Variants in FFAR4 observed in about 807,000 individuals in gnomAD.
The protein encoded by FFAR4 is G-protein coupled receptor 120.
In FFAR4, 19 loss-of-function variants were observed where a neutral mutation model predicts 27.0. The ratio of observed to expected loss-of-function variants is 0.70; its 90% CI spans 0.49 to 1.03. The LOEUF (loss-of-function observed/expected upper bound fraction) is 1.03. Among genes scored for constraint, FFAR4 ranks in the 50% least tolerant of loss-of-function variants. The pLI is 0.00. For missense variants in FFAR4, 476 were observed against 479.0 expected, an observed-to-expected ratio of 0.99 and a Z score of 0.06; for synonymous variants, 254 against 215.6, an observed-to-expected ratio of 1.18 and a Z score of -1.56.
At chr10:93,583,030 G>A (rs959534322) in intron 2 of FFAR4, among the ~76,000 whole-genome samples, 2 of 152,108 alleles carry the variant, frequency 1.3e-5, no homozygotes, top group South Asian at 2.1e-4. Flanking sequence ...CCCTCCACAC[G>A]TGGGGATTAC....
At chr10:93,572,419 G>A (rs1564782073) in intron 1 of FFAR4, among the ~76,000 whole-genome samples, 2 of 152,208 alleles carry the variant, frequency 1.3e-5, no homozygotes. Context: ...CACCACACAT[G>A]TGTAGAGCCT....
intron 2 of FFAR4, among the ~76,000 whole-genome samples, chr10:93,584,231 G>T (rs573378886): frequency 1.1e-4 from 16 of 152,312 alleles, no homozygotes; most frequent in Admixed American, 3.3e-4. Context: ...GCCCGAGGTG[G>T]TGCCCTGTGT....
At chr10:93,569,363 C>T (rs61866611) in intron 1 of FFAR4, among the ~76,000 whole-genome samples, 1 of 152,112 alleles carries the variant, frequency 6.6e-6, no homozygotes, top group Admixed American at 6.5e-5. Flanking sequence ...CCAGCCAGAG[C>T]CCAGACTAAA....
At chr10:93,568,622 C>T (rs1400544825) in intron 1 of FFAR4, among the ~76,000 whole-genome samples, 1 of 152,134 alleles carries the variant, frequency 6.6e-6, no homozygotes, top group East Asian at 1.9e-4. Context: ...GACTGTGTGA[C>T]CCTCCAGAGC....
At chr10:93,574,462 C>T (rs1564782692) in intron 1 of FFAR4, among the ~76,000 whole-genome samples, 1 of 152,188 alleles carries the variant, frequency 6.6e-6, no homozygotes, top group Non-Finnish European at 1.5e-5. Flanking sequence ...CATACCTGCT[C>T]ATATGTATTG....
At chr10:93,579,266 C>T in intron 2 of FFAR4, 1 of 1,393,318 alleles carries the variant, frequency 7.2e-7, no homozygotes, top group South Asian at 1.2e-5. Context: ...CATTCCATCA[C>T]CACCCTCACC....
chr10:93,574,217 T>C (rs989033654), intron 1 of FFAR4, among the ~76,000 whole-genome samples: 1 of 152,170 alleles, frequency 6.6e-6, no homozygotes, highest in African/African-American at 2.4e-5. Flanking sequence ...ACTCCTACTG[T>C]AGAGAGAACA....
At chr10:93,583,074 G>C (rs961787986) in intron 2 of FFAR4, among the ~76,000 whole-genome samples, 1 of 151,940 alleles carries the variant, frequency 6.6e-6, no homozygotes, top group African/African-American at 2.4e-5. Context: ...TTTGGTTAGG[G>C]ATACAGATCC....
In FFAR4 at chr10:93,567,040, G is replaced by T; in HGVS notation, c.320G>T (p.Gly107Val). 6.2e-7 allele frequency: 1 copy of T among 1,611,502 alleles called. No homozygotes were observed. Among genetic ancestry groups the T allele is most frequent in the Non-Finnish European group, 8.5e-7 (1 of 1,179,818 alleles). Residue 107 changes from glycine to valine, a missense_variant, in exon 1 of 3, where the codon GGC becomes GTC. Physicochemically the swap from Gly to Val is moderately radical, Grantham distance 109. Transcript: ENST00000371481. ...AVRWTEAWLL[G>V]PVACHLLFYV... ...CGCTGGACTGAGGCCTGGCTGCTGGGCCCCGTTGCCTGCCACCTGCTCTTC... is the reference window on the plus strand; with the variant it reads ...CGCTGGACTGAGGCCTGGCTGCTGGTCCCCGTTGCCTGCCACCTGCTCTTC...
intron 1 of FFAR4, among the ~76,000 whole-genome samples, chr10:93,575,838 C>G (rs1417851326): frequency 6.6e-6 from 1 of 152,198 alleles, no homozygotes; most frequent in African/African-American, 2.4e-5. Flanking sequence ...TCTTACCACC[C>G]TGTAAGCCTG....
chr10:93,571,657 AAC>A (rs1218167174), intron 1 of FFAR4, among the ~76,000 whole-genome samples: 1 of 152,212 alleles, frequency 6.6e-6, no homozygotes. Context: ...TGAGGAAACA[AAC>A]ACAGTTTGCT....
chr10:93,579,968 C>A (rs1466421201), intron 2 of FFAR4, among the ~76,000 whole-genome samples: 1 of 152,144 alleles, frequency 6.6e-6, no homozygotes, highest in East Asian at 1.9e-4. Context: ...AATTTTAATC[C>A]AAATATCACT....
At chr10:93,582,467 C>A (rs2058203297) in intron 2 of FFAR4, among the ~76,000 whole-genome samples, 1 of 150,458 alleles carries the variant, frequency 6.6e-6, no homozygotes, top group Admixed American at 6.6e-5. Flanking sequence ...TTGCTTAAAC[C>A]TGGGAGGTGG....
chr10:93,579,173 C>T, intron 2 of FFAR4: 1 of 1,614,124 alleles, frequency 6.2e-7, no homozygotes, highest in Non-Finnish European at 8.5e-7. Context: ...CGGAACACCT[C>T]CTGGATGCAA....
intron 2 of FFAR4, among the ~76,000 whole-genome samples, chr10:93,582,231 T>C (rs534438498): frequency 1.3e-5 from 2 of 151,972 alleles, no homozygotes; most frequent in African/African-American, 2.4e-5. Flanking sequence ...GAGAAGGAGA[T>C]AGTAGCATCT....
chr10:93,579,060 G>A, intron 2 of FFAR4: 1 of 1,040,628 alleles, frequency 9.6e-7, no homozygotes, highest in South Asian at 1.3e-5. Flanking sequence ...GAGGAGTTGG[G>A]GCAGCTGTCC....
chr10:93,581,458 G>C (rs1329729258), intron 2 of FFAR4, among the ~76,000 whole-genome samples: 1 of 152,114 alleles, frequency 6.6e-6, no homozygotes, highest in African/African-American at 2.4e-5. Context: ...CAACCTTCAG[G>C]GTTGAGTCCC....
In FFAR4 at chr10:93,588,096, A is replaced by C. The variant is rs1168996977; in HGVS notation, c.*487A>C. 2 of 152,546 alleles carry C rather than the reference A, an allele frequency of 1.3e-5. No individual in the cohort carries two copies. The highest frequency in any genetic ancestry group is 2.9e-5 in the Non-Finnish European group (2 of 68,382). 9.4% of individuals were successfully genotyped at this position (152,546 alleles called of 1,614,324 possible). ...ACAAGAGTGAAACTCCATCTTAAAA[A>C]AAAAAAAAAAAAGATTTGTTATGGG... On this transcript the variant is annotated 3_prime_UTR_variant, in exon 3 of 3. Coordinates refer to ENST00000371481, the MANE Select transcript of FFAR4 (RefSeq NM_001195755.2).
intron 2 of FFAR4, among the ~76,000 whole-genome samples, chr10:93,583,518 G>C (rs2058211476): frequency 6.6e-6 from 1 of 152,182 alleles, no homozygotes; most frequent in South Asian, 2.1e-4. Flanking sequence ...TGCCAAGCGG[G>C]AGATGAACCA....
Sources: gnomAD v4.1 joint callset for allele counts (sites outside exome capture counted in the v4.1 genomes callset) on GRCh38, gnomAD v4.1.1 for gene constraint, MANE v1.5 for transcripts, NCBI Gene and HGNC (gene_info 2026-07-23, HGNC 2026-07-21) for gene names.